PTPRB: variants seen among roughly 807,000 people sequenced by gnomAD.
The protein encoded by PTPRB is protein tyrosine phosphatase receptor type B.
A neutral mutation model predicts 238.1 loss-of-function variants in PTPRB; 97 were observed. The ratio of observed to expected loss-of-function variants is 0.41; its 90% CI spans 0.35 to 0.48. PTPRB has a LOEUF of 0.48. Ranked by LOEUF, PTPRB falls within the 20% of genes least tolerant of loss-of-function variation. The pLI, the probability that PTPRB is intolerant of heterozygous loss-of-function variation, is 0.30. For synonymous variants in PTPRB, 970 were observed against 995.4 expected (o/e 0.97, Z 0.48); for missense variants, 2,292 against 2,681.9 (o/e 0.85, Z 3.21).
chr12:70,536,018 T>G lies in PTPRB; in HGVS notation c.6081+7A>C, dbSNP rs764170403. On this transcript the variant is annotated splice_region_variant and intron_variant, in intron 29 of 33. Transcript: ENST00000334414. ...AAGCTTTGATGCCAGGAAGGCTGTT[T>G]ACTCACTCGGCCCTTCTCAACACAC... 1 of 1,612,192 alleles carries G rather than the reference T, an allele frequency of 6.2e-7. No homozygotes were observed. Among genetic ancestry groups the G allele is most frequent in the South Asian group, 1.1e-5 (1 of 90,970 alleles).
At chr12:70,562,286 C>A (rs187296298) in intron 16 of PTPRB, among the ~76,000 whole-genome samples, 11 of 151,102 alleles carry the variant, frequency 7.3e-5, no homozygotes, top group East Asian at 1.9e-4. Context: ...CTCGTCCCCC[C>A]CCAAAACATT....
intron 4 of PTPRB, among the ~76,000 whole-genome samples, chr12:70,603,173 C>A (rs1266029088): frequency 6.6e-6 from 1 of 152,060 alleles, no homozygotes; most frequent in Non-Finnish European, 1.5e-5. Flanking sequence ...TAAAGGAAGA[C>A]CAATTTCAGA....
chr12:70,618,984 G>A (rs991608938), intron 3 of PTPRB, among the ~76,000 whole-genome samples: 1 of 152,156 alleles, frequency 6.6e-6, no homozygotes, highest in Non-Finnish European at 1.5e-5. Context: ...TGAGAAGAGA[G>A]AGAGAAAAGG....
chr12:70,564,820 G>A (rs969178081), intron 15 of PTPRB, among the ~76,000 whole-genome samples: 3 of 135,194 alleles, frequency 2.2e-5, no homozygotes, highest in South Asian at 2.6e-4. Flanking sequence ...GTGCCAGAGC[G>A]AGGTTCTGTC....
chr12:70,621,444 T>C (rs1384182479), intron 3 of PTPRB, among the ~76,000 whole-genome samples: 2 of 152,214 alleles, frequency 1.3e-5, no homozygotes, highest in Non-Finnish European at 2.9e-5. Context: ...AATGGGGCTT[T>C]TCTAACTTCT....
Position 70,549,085 on chromosome 12 carries a change from C to T in PTPRB, c.5387+3692G>A, listed in dbSNP as rs373675931. On this transcript the variant is annotated intron_variant, in intron 21 of 33. Coordinates refer to ENST00000334414, the MANE Select transcript of PTPRB (RefSeq NM_001109754.4). ...TGTAAGCTTCTTGAAGGCAGTGGCT[C>T]CACCTTATTTATCTATCACCCAACA... Among the ~76,000 whole-genome samples, 67 of 152,290 alleles carry T rather than the reference C, an allele frequency of 4.4e-4. 1 individual carries two copies. Among genetic ancestry groups the T allele is most frequent in the African/African-American group, 1.5e-3 (64 of 41,554 alleles).
chr12:70,579,224 T>C (rs1881108774), intron 10 of PTPRB, among the ~76,000 whole-genome samples: 1 of 152,140 alleles, frequency 6.6e-6, no homozygotes, highest in Non-Finnish European at 1.5e-5. Flanking sequence ...AGGAGTGAAT[T>C]ATTGTGTGTG....
Position 70,581,115 on chromosome 12 carries a change from G to C in PTPRB, c.2499C>G (p.Ser833=). The C allele has an allele frequency of 6.2e-7, 1 of 1,613,960 alleles. No homozygotes were observed. Among genetic ancestry groups the C allele is most frequent in the Non-Finnish European group, 8.5e-7 (1 of 1,179,882 alleles). Residue 833 remains serine, a synonymous_variant, in exon 10 of 34, where the codon TCC becomes TCG. Coordinates refer to ENST00000334414, the MANE Select transcript of PTPRB (RefSeq NM_001109754.4). ...TSRYSFHSLK[S]GSLYSVVVTT... is the part of the protein sequence containing the mutation. ...TTACCACCACGGAGTACAGGCTGCC[G>C]GACTTGAGAGAGTGGAAGCTGTATC...
intron 13 of PTPRB, among the ~76,000 whole-genome samples, chr12:70,570,501 C>T (rs117041323): frequency 0.029 from 4,336 of 151,946 alleles, 93 homozygotes; most frequent in Non-Finnish European, 0.04. Flanking sequence ...CACGTAACAC[C>T]GTGCCCGGCT....
At chr12:70,565,171 C>T (rs1406371311) in intron 15 of PTPRB, among the ~76,000 whole-genome samples, 1 of 152,064 alleles carries the variant, frequency 6.6e-6, no homozygotes, top group Non-Finnish European at 1.5e-5. Context: ...TCCATTCAAT[C>T]CATTCCCCCA....
chr12:70,630,504 G>A (rs527442287), intron 2 of PTPRB, among the ~76,000 whole-genome samples: 3 of 152,230 alleles, frequency 2.0e-5, no homozygotes, highest in South Asian at 2.1e-4. Flanking sequence ...TTTGAAAACC[G>A]GCATAAGACA....
intron 2 of PTPRB, among the ~76,000 whole-genome samples, chr12:70,624,254 C>T (rs1173236990): frequency 2.0e-5 from 3 of 152,054 alleles, no homozygotes; most frequent in South Asian, 2.1e-4. Flanking sequence ...TATACTTATA[C>T]TAAAGATTAT....
Position 70,571,922 on chromosome 12 carries a change from C to T in PTPRB, c.3008G>A (p.Cys1003Tyr), listed in dbSNP as rs779209526. 1 of 1,613,972 alleles carries T rather than the reference C, an allele frequency of 6.2e-7. No homozygotes were observed. The highest frequency in any genetic ancestry group is 2.2e-5 in the East Asian group (1 of 44,864). ...TKSIPKSENECVFVQLVPGRL... is the reference protein window; with the variant it reads ...TKSIPKSENEYVFVQLVPGRL... ...TCCAGGGACTAGCTGAACAAATACA[C>T]ATTCGTTTTCTGACTTGGGAATGCT... Residue 1003 changes from cysteine to tyrosine, a missense_variant, in exon 12 of 34, where the codon TGT (cysteine) becomes TAT (tyrosine). Physicochemically the swap from Cys to Tyr is radical, Grantham distance 194 (BLOSUM62 -2). Around this residue, in one of 4 missense-constraint regions of PTPRB, gnomAD observed 1,205 missense variants for 1,287.8 expected, o/e 0.94. Coordinates refer to ENST00000334414, the MANE Select transcript of PTPRB (RefSeq NM_001109754.4).
At position 70,635,958 on chromosome 12, in the gene PTPRB, G is replaced by A. The variant is rs768766024; in HGVS notation, c.164C>T (p.Thr55Ile). The A allele has an allele frequency of 6.2e-7, 1 of 1,613,584 alleles. No homozygotes were observed. The highest frequency in any genetic ancestry group is 1.3e-5 in the African/African-American group (1 of 75,028). The change falls in exon 2 of 34, where the codon ACT becomes ATT. Residue 55 changes from threonine (T) to isoleucine (I), a missense_variant. Transcript: ENST00000334414. ...RTIQNQQWMW[T>I]EDEKLLHVKS... Reference sequence around the variant, plus strand: ...AACATGAAGGAGCTTTTCATCCTCAGTCCACATCCACTGCTGGTTCTGGAT... The same window carrying A: ...AACATGAAGGAGCTTTTCATCCTCAATCCACATCCACTGCTGGTTCTGGAT...
At chr12:70,618,513 G>A (rs1227332007) in intron 3 of PTPRB, among the ~76,000 whole-genome samples, 1 of 152,142 alleles carries the variant, frequency 6.6e-6, no homozygotes, top group Non-Finnish European at 1.5e-5. Context: ...AAATGAGTGG[G>A]ACTTGAGTAA....
chr12:70,531,969 G>T (rs1271500336), intron 32 of PTPRB, 66 bp downstream of exon 32: 3 of 1,584,600 alleles, frequency 1.9e-6, no homozygotes, highest in African/African-American at 2.7e-5. Context: ...TAAGGTCCTG[G>T]ATATTTTTTT....
intron 14 of PTPRB, 149 bp from the exon 15 acceptor site, chr12:70,566,853 G>A: frequency 1.3e-6 from 1 of 781,506 alleles, no homozygotes; most frequent in Non-Finnish European, 2.0e-6. Context: ...GTGCCCTTAT[G>A]GAGAAAAGAG....
chr12:70,540,807 T>C (rs1874955217), intron 23 of PTPRB, 51 bp downstream of exon 23: 2 of 1,350,820 alleles, frequency 1.5e-6, no homozygotes, highest in African/African-American at 1.5e-5. Flanking sequence ...GAATTTTCAG[T>C]TGCATTTTTA....
chr12:70,553,239 C>A (rs1565932944), intron 20 of PTPRB, among the ~76,000 whole-genome samples: 2 of 151,876 alleles, frequency 1.3e-5, no homozygotes, highest in Non-Finnish European at 1.5e-5. Flanking sequence ...ATATAAAATA[C>A]ACACACACAC....
Sources: gnomAD v4.1 joint callset for allele counts (sites outside exome capture counted in the v4.1 genomes callset) on GRCh38, gnomAD v4.1.1 for gene constraint, gnomAD v4.1.1 regional missense constraint, MANE v1.5 for transcripts, NCBI Gene and HGNC (gene_info 2026-07-23, HGNC 2026-07-21) for gene names.